GNA14: variants seen among roughly 807,000 people sequenced by gnomAD.
GNA14 encodes the protein guanine nucleotide-binding protein subunit alpha-14.
A neutral mutation model predicts 42.0 loss-of-function variants in GNA14; 50 were observed. The observed-to-expected ratio is 1.19, with a 90% confidence interval of 0.95 to 1.51. The LOEUF (loss-of-function observed/expected upper bound fraction) is 1.51. Ranked by LOEUF, GNA14 falls within the 40% of genes most tolerant of loss-of-function variation. GNA14 has a pLI of 0.00. For synonymous variants in GNA14, 173 were observed against 163.1 expected, an observed-to-expected ratio of 1.06 and a Z score of -0.46; for missense variants, 473 against 446.2, an observed-to-expected ratio of 1.06 and a Z score of -0.54.
At chr9:77,445,255 CA>C (rs970026237) in intron 2 of GNA14, among the ~76,000 whole-genome samples, 56 of 152,288 alleles carry the variant, frequency 3.7e-4, no homozygotes, top group African/African-American at 1.3e-3. Context: ...TGCTACATCG[CA>C]TTTCACATAA....
At chr9:77,504,348 A>G (rs1165183865) in intron 2 of GNA14, among the ~76,000 whole-genome samples, 3 of 152,132 alleles carry the variant, frequency 2.0e-5, no homozygotes, top group Non-Finnish European at 4.4e-5. Flanking sequence ...CTCATAGGGA[A>G]TCTGCTGTCT....
At chr9:77,472,062 A>G (rs911221691) in intron 2 of GNA14, among the ~76,000 whole-genome samples, 6 of 152,158 alleles carry the variant, frequency 3.9e-5, no homozygotes, top group African/African-American at 1.2e-4. Flanking sequence ...AAATTTGACA[A>G]AGTGCTGAAT....
At chr9:77,547,793 T>C (rs868338708) in intron 1 of GNA14, among the ~76,000 whole-genome samples, 14 of 152,312 alleles carry the variant, frequency 9.2e-5, no homozygotes, top group Middle Eastern at 3.4e-3. Context: ...TAAATAAGTA[T>C]AATACATCAA....
chr9:77,480,474 T>C (rs1836523855), intron 2 of GNA14, among the ~76,000 whole-genome samples: 2 of 152,208 alleles, frequency 1.3e-5, no homozygotes, highest in South Asian at 4.1e-4. Context: ...TGAGGATTTT[T>C]GCATCAATGT....
intron 2 of GNA14, among the ~76,000 whole-genome samples, chr9:77,439,642 T>A (rs3780288): frequency 0.3 from 44,824 of 151,760 alleles, 6,908 homozygotes; most frequent in African/African-American, 0.37. Context: ...GTTTCAAAAA[T>A]AATAATAATG....
chr9:77,452,269 A>G (rs935778619), intron 2 of GNA14, among the ~76,000 whole-genome samples: 1 of 152,154 alleles, frequency 6.6e-6, no homozygotes, highest in Non-Finnish European at 1.5e-5. Context: ...AAGTAGCAAC[A>G]AAGAATATCT....
chr9:77,534,952 T>C (rs917867039), intron 1 of GNA14, among the ~76,000 whole-genome samples: 13 of 152,224 alleles, frequency 8.5e-5, no homozygotes, highest in African/African-American at 2.7e-4. Flanking sequence ...ACCTCACCAG[T>C]GAGCAGGCGC....
At chr9:77,635,256 C>A (rs530288384) in intron 1 of GNA14, 1 of 152,252 alleles carries the variant, frequency 6.6e-6, no homozygotes, top group African/African-American at 2.4e-5. Flanking sequence ...AGGGGCCATG[C>A]TAATCTTCTG....
intron 1 of GNA14, among the ~76,000 whole-genome samples, chr9:77,632,638 C>T (rs1824117592): frequency 1.3e-5 from 2 of 152,172 alleles, no homozygotes. Context: ...TTCCTGGAGT[C>T]TCCAAGCTTC....
chr9:77,644,614 A>C (rs983682077), intron 1 of GNA14, among the ~76,000 whole-genome samples: 1 of 152,146 alleles, frequency 6.6e-6, no homozygotes, highest in African/African-American at 2.4e-5. Context: ...TAACTGTGAG[A>C]AAATTAATTT....
chr9:77,623,027 C>T (rs1823953460), intron 1 of GNA14, among the ~76,000 whole-genome samples: 1 of 150,476 alleles, frequency 6.6e-6, no homozygotes, highest in Non-Finnish European at 1.5e-5. Context: ...CCAGCCTGGC[C>T]AACATGGTGA....
intron 1 of GNA14, among the ~76,000 whole-genome samples, chr9:77,532,520 C>G (rs530532044): frequency 6.6e-6 from 1 of 152,300 alleles, no homozygotes; most frequent in Admixed American, 6.5e-5. Context: ...AGCTAAGGAT[C>G]TCAGTTGAGT....
chr9:77,502,438 G>C (rs554073257), intron 2 of GNA14, among the ~76,000 whole-genome samples: 1 of 152,276 alleles, frequency 6.6e-6, no homozygotes, highest in East Asian at 1.9e-4. Flanking sequence ...GTCGGGGAGG[G>C]GAGCCACCTT....
chr9:77,558,672 C>T (rs1349281401), intron 1 of GNA14, among the ~76,000 whole-genome samples: 1 of 152,088 alleles, frequency 6.6e-6, no homozygotes, highest in African/African-American at 2.4e-5. Flanking sequence ...GATGAAGACA[C>T]CTTGGACCCA....
At chr9:77,489,977 C>A (rs1006247253) in intron 2 of GNA14, among the ~76,000 whole-genome samples, 1 of 152,132 alleles carries the variant, frequency 6.6e-6, no homozygotes, top group African/African-American at 2.4e-5. Context: ...TTGGTAGAGC[C>A]GAGCAGCCTG....
intron 3 of GNA14, chr9:77,431,791 C>T (rs541772081): frequency 7.9e-4 from 167 of 211,694 alleles, no homozygotes; most frequent in Admixed American, 2.1e-3. Flanking sequence ...CTCTCCAACA[C>T]CCCATCTGTC....
intron 6 of GNA14, 99 bp from the exon 7 acceptor site, chr9:77,424,268 G>GCCA: frequency 1.3e-6 from 1 of 785,904 alleles, no homozygotes; most frequent in South Asian, 2.1e-5. Context: ...TGTAGCCCAG[G>GCCA]CTGGAGTGCA....
At chr9:77,498,054 T>A (rs1836901423) in intron 2 of GNA14, among the ~76,000 whole-genome samples, 1 of 152,144 alleles carries the variant, frequency 6.6e-6, no homozygotes, top group African/African-American at 2.4e-5. Flanking sequence ...TGTTTCTTAG[T>A]TTCTCATCTG....
intron 1 of GNA14, among the ~76,000 whole-genome samples, chr9:77,544,009 T>G (rs138384623): frequency 6.6e-6 from 1 of 152,298 alleles, no homozygotes; most frequent in East Asian, 1.9e-4. Flanking sequence ...CCTAAAAAAA[T>G]CAATACAAAT....
Sources: allele counts gnomAD v4.1 joint callset (sites outside exome capture counted in the v4.1 genomes callset), GRCh38; gene constraint gnomAD v4.1.1; transcripts MANE v1.5; gene names NCBI Gene and HGNC (gene_info 2026-07-23, HGNC 2026-07-21).